NHS: variants seen among roughly 807,000 people sequenced by gnomAD.
NHS encodes the protein actin remodeling regulator NHS.
Under a neutral mutation model 72.5 loss-of-function variants are expected in NHS, and 5 were observed. The ratio of observed to expected loss-of-function variants is 0.07; its 90% confidence interval spans 0.04 to 0.14. The LOEUF is 0.14. NHS is among the 10% of genes least tolerant of loss of function. NHS has a pLI of 1.00. For missense variants in NHS, 1,072 were observed against 1,355.7 expected (o/e 0.79, Z 3.29); for synonymous variants, 464 against 547.7 (o/e 0.85, Z 2.13).
rs763162787 is a variant in NHS at position 17,692,359 on chromosome X, G to A, written c.743G>A (p.Arg248Gln). ...GAACACCGGAGCCGGAGCGATCGCC[G>A]AGAGCAAAGAGCAGCTGCCCCCCTT... Reference protein sequence around the residue: ...RREHRSRSDRREQRAAAPLSI... With the variant: ...RREHRSRSDRQEQRAAAPLSI... Residue 248 changes from arginine (R) to glutamine (Q), a missense_variant, in exon 3 of 9, where the codon CGA becomes CAA. Arg to Gln is a conservative substitution (Grantham distance 43). Coordinates refer to ENST00000676302, the MANE Select transcript of NHS (RefSeq NM_001291867.2). 17 of 1,207,968 alleles carry A rather than the reference G, an allele frequency of 1.4e-5. No homozygotes were observed. Among genetic ancestry groups the A allele is most frequent in the Admixed American group, 8.8e-5 (4 of 45,519 alleles).
chrX:17,490,971 A>AT (rs1169356308), intron 1 of NHS, among the ~76,000 whole-genome samples: 1 of 111,945 alleles, frequency 8.9e-6, no homozygotes, highest in African/African-American at 3.3e-5. Context: ...TTGCACATTG[A>AT]TTTTGTATCC....
At chrX:17,670,400 G>C (rs1489462328) in intron 1 of NHS, among the ~76,000 whole-genome samples, 2 of 111,987 alleles carry the variant, frequency 1.8e-5, no homozygotes, top group African/African-American at 6.5e-5. Context: ...AAACATTCTT[G>C]CCCTGATATT....
Position 17,415,279 on chromosome X carries a change from T to C in NHS, c.565+38957T>C, listed in dbSNP as rs111602392. On this transcript the variant is annotated intron_variant, in intron 1 of 8. Coordinates refer to ENST00000676302, the MANE Select transcript of NHS (RefSeq NM_001291867.2). ...AGTAAAAACTAGCCAAAAATAAGAA[T>C]GGGGAATGAATCAATCCTCTGGACT... 6.9e-3 allele frequency among the ~76,000 whole-genome samples: 768 copies of C among 111,515 alleles called. 3 individuals are homozygous for C. The highest frequency in any genetic ancestry group is 0.024 in the African/African-American group (729 of 30,658).
intron 1 of NHS, among the ~76,000 whole-genome samples, chrX:17,573,914 T>C (rs2065495500): frequency 8.9e-6 from 1 of 111,936 alleles, no homozygotes; most frequent in Non-Finnish European, 1.9e-5. Context: ...TGTTTGTTAG[T>C]TTTTCTTCTA....
chrX:17,467,631 AAATTAAATT>A (rs2064875921), intron 1 of NHS, among the ~76,000 whole-genome samples: 1 of 112,423 alleles, frequency 8.9e-6, no homozygotes, highest in Non-Finnish European at 1.9e-5. Context: ...ATCATTTTAA[AAATTAAATT>A]AATTACCATT....
At chrX:17,565,924 A>T (rs1249839153) in intron 1 of NHS, among the ~76,000 whole-genome samples, 1 of 111,451 alleles carries the variant, frequency 9.0e-6, no homozygotes, top group Non-Finnish European at 1.9e-5. Context: ...ATAGTTTGGA[A>T]GGGGATATTT....
At chrX:17,382,954 A>G (rs2064385307) in intron 1 of NHS, among the ~76,000 whole-genome samples, 1 of 112,196 alleles carries the variant, frequency 8.9e-6, no homozygotes, top group Non-Finnish European at 1.9e-5. Context: ...TCAACCAAAT[A>G]TGGACAGGGA....
chrX:17,413,907 G>A (rs2064576777), intron 1 of NHS, among the ~76,000 whole-genome samples: 1 of 112,313 alleles, frequency 8.9e-6, no homozygotes, highest in African/African-American at 3.2e-5. Context: ...TTGTAACCAG[G>A]TCCTGCCTTG....
At chrX:17,704,786 C>T (rs753026819) in intron 3 of NHS, among the ~76,000 whole-genome samples, 1 of 111,941 alleles carries the variant, frequency 8.9e-6, no homozygotes, top group South Asian at 3.8e-4. Context: ...GACCACAGAA[C>T]TTTCTTGCCA....
intron 1 of NHS, among the ~76,000 whole-genome samples, chrX:17,377,359 C>G (rs1442196318): frequency 8.9e-6 from 1 of 112,873 alleles, no homozygotes; most frequent in Non-Finnish European, 1.9e-5. Flanking sequence ...AATCTGGCGA[C>G]GGCAGAATCA....
chrX:17,416,926 G>T (rs1247973988), intron 1 of NHS, among the ~76,000 whole-genome samples: 1 of 110,615 alleles, frequency 9.0e-6, no homozygotes, highest in Non-Finnish European at 1.9e-5. Context: ...AAGAGTCATA[G>T]TTTTCTTTCA....
chrX:17,502,231 A>G (rs1022923482), intron 1 of NHS, among the ~76,000 whole-genome samples: 1 of 111,393 alleles, frequency 9.0e-6, no homozygotes. Flanking sequence ...CTAGTTTCAC[A>G]GGAAGGTCAC....
chrX:17,468,553 T>TTTAC (rs746008448), intron 1 of NHS, among the ~76,000 whole-genome samples: 1 of 110,387 alleles, frequency 9.1e-6, no homozygotes, highest in African/African-American at 3.3e-5. Flanking sequence ...TGTTTATTTA[T>TTTAC]TTACTTACTT....
intron 1 of NHS, among the ~76,000 whole-genome samples, chrX:17,464,120 G>A (rs112466577): frequency 9.8e-5 from 11 of 112,076 alleles, no homozygotes; most frequent in South Asian, 3.7e-4. Context: ...ACCTGCCTTG[G>A]GGGAGAGGAA....
chrX:17,586,935 T>C (rs750027337), intron 1 of NHS: 1 of 112,118 alleles, frequency 8.9e-6, no homozygotes, highest in African/African-American at 3.2e-5. Context: ...CTAAAGTGAC[T>C]TGCTATAGTC....
intron 1 of NHS, among the ~76,000 whole-genome samples, chrX:17,651,824 A>C (rs1459618298): frequency 8.9e-6 from 1 of 112,753 alleles, no homozygotes; most frequent in African/African-American, 3.2e-5. Context: ...TGCTCAGAAC[A>C]ATAAGGGGCT....
chrX:17,543,257 C>T (rs1283547285), intron 1 of NHS, among the ~76,000 whole-genome samples: 1 of 112,132 alleles, frequency 8.9e-6, no homozygotes, highest in Non-Finnish European at 1.9e-5. Flanking sequence ...AACAGATATT[C>T]TGATGCATTT....
At chrX:17,392,188 G>A (rs1356491666) in intron 1 of NHS, among the ~76,000 whole-genome samples, 1 of 111,985 alleles carries the variant, frequency 8.9e-6, no homozygotes, top group African/African-American at 3.2e-5. Flanking sequence ...CACTCTGCTG[G>A]CTGCATGCAG....
intron 1 of NHS, among the ~76,000 whole-genome samples, chrX:17,499,587 T>C (rs2065028061): frequency 9.0e-6 from 1 of 110,558 alleles, no homozygotes; most frequent in Non-Finnish European, 1.9e-5. Context: ...ATGTGATTTA[T>C]TGGGAGAGAG....
Sources: gnomAD v4.1 joint callset for allele counts (sites outside exome capture counted in the v4.1 genomes callset) on GRCh38, gnomAD v4.1.1 for gene constraint, MANE v1.5 for transcripts, NCBI Gene and HGNC (gene_info 2026-07-23, HGNC 2026-07-21) for gene names.